The following SYNE3 variants were observed in gnomAD, a reference collection of about 807,000 sequenced individuals.
The protein encoded by SYNE3 is spectrin repeat containing nuclear envelope family member 3, also known as nesprin-3.
Under a neutral mutation model 111.2 loss-of-function variants are expected in SYNE3, and 100 were observed. The observed-to-expected ratio is 0.90, with a 90% CI of 0.77 to 1.06. SYNE3 has a LOEUF of 1.06. SYNE3 is among the 50% of genes least tolerant of loss of function. The pLI is 0.00. For synonymous variants in SYNE3, 547 were observed against 533.9 expected, an observed-to-expected ratio of 1.02 and a Z score of -0.34; for missense variants, 1,160 against 1,240.3, an observed-to-expected ratio of 0.94 and a Z score of 0.97.
At chr14:95,461,759 G>A (rs1172231037) in intron 4 of SYNE3, among the ~76,000 whole-genome samples, 6 of 152,260 alleles carry the variant, frequency 3.9e-5, no homozygotes, top group Non-Finnish European at 7.3e-5. Context: ...CAGAACCATC[G>A]CTGGAGTCAG....
At chr14:95,431,101 G>A (rs941350905) in intron 17 of SYNE3, among the ~76,000 whole-genome samples, 7 of 152,208 alleles carry the variant, frequency 4.6e-5, no homozygotes, top group Non-Finnish European at 7.3e-5. Flanking sequence ...AGAGCATGCC[G>A]GAGGAGGCTC....
At chr14:95,498,251 C>A (rs1252709151) in intron 1 of SYNE3, among the ~76,000 whole-genome samples, 1 of 152,050 alleles carries the variant, frequency 6.6e-6, no homozygotes, top group African/African-American at 2.4e-5. Context: ...AGTGTAGTGG[C>A]ATAATCTTGG....
At chr14:95,506,048 A>T (rs1595263205) in intron 1 of SYNE3, among the ~76,000 whole-genome samples, 2 of 152,306 alleles carry the variant, frequency 1.3e-5, no homozygotes, top group Admixed American at 1.3e-4. Context: ...ATATAATCAG[A>T]AGGATTAAAA....
At position 95,485,747 on chromosome 14, in the gene SYNE3, T is replaced by C. The variant is rs1393906291; in HGVS notation, c.-14-9912A>G. Among the ~76,000 whole-genome samples, 1 of 152,152 alleles carries C rather than the reference T, an allele frequency of 6.6e-6. No individual in the cohort carries two copies. On this transcript the variant is annotated intron_variant, in intron 1 of 17. Coordinates refer to ENST00000682763, the MANE Select transcript of SYNE3 (RefSeq NM_152592.6). The surrounding 1 kb of genome is among the most constrained non-coding windows in gnomAD (Gnocchi z 4.3). ...CTTCCCTGAATGACTGACACAGCCA[T>C]GGCCACTCCTATGCAGACATCCATC...
At chr14:95,464,632 G>T (rs370339201) in intron 4 of SYNE3, among the ~76,000 whole-genome samples, 3 of 152,244 alleles carry the variant, frequency 2.0e-5, no homozygotes, top group East Asian at 3.8e-4. Context: ...GAACCCCCAA[G>T]CCAATTCACT....
intron 8 of SYNE3, among the ~76,000 whole-genome samples, chr14:95,446,680 C>A (rs942052629): frequency 3.3e-5 from 5 of 152,316 alleles, no homozygotes; most frequent in East Asian, 1.9e-4. Context: ...TGATACTCAG[C>A]AGACTACTGA....
At chr14:95,456,975 C>T (rs1382181005) in intron 5 of SYNE3, among the ~76,000 whole-genome samples, 3 of 151,658 alleles carry the variant, frequency 2.0e-5, no homozygotes, top group East Asian at 3.9e-4. Flanking sequence ...GTCCCAGCTA[C>T]TCAGGAGGCT....
At chr14:95,435,571 G>T (rs1325049944) in intron 15 of SYNE3, among the ~76,000 whole-genome samples, 1 of 152,078 alleles carries the variant, frequency 6.6e-6, no homozygotes, top group Non-Finnish European at 1.5e-5. Context: ...AAGAAAGATT[G>T]TTAGTAGAAA....
intron 17 of SYNE3, among the ~76,000 whole-genome samples, chr14:95,420,715 CACACACACACACAT>C (rs1025160834): frequency 1.3e-5 from 2 of 151,966 alleles, no homozygotes; most frequent in African/African-American, 2.4e-5. Context: ...TAGGAAAACA[CACACACACACACAT>C]ACACACACAC....
chr14:95,516,330 C>T (rs1890927887), intron 1 of SYNE3: 1 of 152,252 alleles, frequency 6.6e-6, no homozygotes, highest in African/African-American at 2.4e-5. Flanking sequence ...GCCGAAGCTC[C>T]CCGGGGTTGA....
intron 14 of SYNE3, 59 bp from the exon 15 acceptor site, chr14:95,437,040 C>T (rs1160740126): frequency 2.6e-5 from 41 of 1,605,424 alleles, no homozygotes; most frequent in Non-Finnish European, 3.3e-5. Flanking sequence ...GGCCATGTGT[C>T]CTGGGAATTC....
intron 8 of SYNE3, among the ~76,000 whole-genome samples, chr14:95,446,873 T>C (rs185924082): frequency 1.3e-4 from 20 of 152,282 alleles, no homozygotes; most frequent in African/African-American, 4.8e-4. Context: ...CTGCAACTCT[T>C]AGAGCCTGAA....
intron 1 of SYNE3, among the ~76,000 whole-genome samples, chr14:95,503,731 GCCTCCA>G (rs1292339222): frequency 6.9e-6 from 1 of 144,386 alleles, no homozygotes; most frequent in Admixed American, 7.4e-5. Flanking sequence ...TGATCCTCCT[GCCTCCA>G]CCTATCGAGT....
At chr14:95,460,394 T>C (rs1887723549) in intron 4 of SYNE3, among the ~76,000 whole-genome samples, 2 of 141,110 alleles carry the variant, frequency 1.4e-5, no homozygotes, top group Non-Finnish European at 3.1e-5. Context: ...TTTTTTTTGC[T>C]ATTTTTAGAA....
intron 1 of SYNE3, among the ~76,000 whole-genome samples, chr14:95,506,245 G>A (rs1890525026): frequency 6.6e-6 from 1 of 152,194 alleles, no homozygotes; most frequent in Non-Finnish European, 1.5e-5. Flanking sequence ...GGATCCTGAG[G>A]CTCAGGGTTG....
rs1413034789 is a variant in SYNE3 at position 95,485,399 on chromosome 14, A to G, written c.-14-9564T>C. Among the ~76,000 whole-genome samples the G allele has an allele frequency of 1.3e-5, 2 of 152,058 alleles. No homozygotes were observed. Among genetic ancestry groups the G allele is most frequent in the East Asian group, 3.9e-4 (2 of 5,180 alleles). On this transcript the variant is annotated intron_variant, in intron 1 of 17. Coordinates refer to ENST00000682763, the MANE Select transcript of SYNE3 (RefSeq NM_152592.6). The surrounding 1 kb of genome is among the most constrained non-coding windows in gnomAD (Gnocchi z 4.3). The stretch of plus-strand genomic sequence containing the variant: ...CACACAGCTTCCCTGGAGCCACCTT[A>G]ATCAATAGACCTGAGGCATTCACTT...
chr14:95,445,337 T>C (rs1400530897), intron 9 of SYNE3, among the ~76,000 whole-genome samples: 1 of 152,198 alleles, frequency 6.6e-6, no homozygotes, highest in Non-Finnish European at 1.5e-5. Context: ...ACCTCCCTCA[T>C]AGTGCTCTTA....
chr14:95,409,269 T>C lies in SYNE3; in HGVS notation c.*8557A>G, dbSNP rs1903370613. The C allele has an allele frequency of 2.2e-6, 1 of 456,640 alleles. No homozygotes were observed. Among genetic ancestry groups the C allele is most frequent in the Non-Finnish European group, 4.4e-6 (1 of 226,980 alleles). 28.3% of individuals were successfully genotyped at this position (456,640 alleles called of 1,614,324 possible). On this transcript the variant is annotated 3_prime_UTR_variant, in exon 18 of 18. Coordinates refer to ENST00000682763, the MANE Select transcript of SYNE3 (RefSeq NM_152592.6). ...ACCCTCTCCACACTCTGGTTTCTGA[T>C]CATGACTCCATAGCACAGGCTTTTT...
rs115849672 is a variant in SYNE3, at chr14:95,444,341, G to A, written c.1776+144C>T. The A allele has an allele frequency of 1.0e-3, 1,103 of 1,075,154 alleles. 12 individuals are homozygous for A. In the African/African-American group the frequency reaches 0.016, roughly 16 times the overall value. 66.6% of individuals were successfully genotyped at this position (1,075,154 alleles called of 1,614,324 possible). Reference sequence around the variant, plus strand: ...ATAAATAAGCAGAGGTTCTGTTGAGGTGAAAGGTCAGATCTCAACTAAGGG... The same window carrying A: ...ATAAATAAGCAGAGGTTCTGTTGAGATGAAAGGTCAGATCTCAACTAAGGG... On this transcript the variant is annotated intron_variant, in intron 10 of 17. Coordinates refer to ENST00000682763, the MANE Select transcript of SYNE3 (RefSeq NM_152592.6).
Sources: gnomAD v4.1 joint callset for allele counts (sites outside exome capture counted in the v4.1 genomes callset) on GRCh38, gnomAD v4.1.1 for gene constraint, Gnocchi (gnomAD v3.1) non-coding constraint, MANE v1.5 for transcripts, NCBI Gene and HGNC (gene_info 2026-07-23, HGNC 2026-07-21) for gene names.